Variants in KCNMA1 observed in about 807,000 individuals in gnomAD.
KCNMA1 encodes the protein Calcium-activated potassium channel subunit alpha-1.
KCNMA1 carries 29 observed loss-of-function variants against 140.0 expected under a neutral mutation model. The observed-to-expected ratio is 0.21, with a 90% CI of 0.15 to 0.28. The LOEUF (loss-of-function observed/expected upper bound fraction) is 0.28. Ranked by LOEUF, KCNMA1 falls within the 10% of genes least tolerant of loss-of-function variation. The probability of loss-of-function intolerance (pLI) is 1.00; values close to 1 mark genes in which losing one functional copy is unlikely to be tolerated. For synonymous variants in KCNMA1, 612 were observed against 611.9 expected (o/e 1.00, Z 0.00); for missense variants, 880 against 1,602.2 (o/e 0.55, Z 7.70).
chr10:76,891,044 C>T (rs2039819376), intron 26 of KCNMA1, among the ~76,000 whole-genome samples: 1 of 152,222 alleles, frequency 6.6e-6, no homozygotes, highest in South Asian at 2.1e-4. Flanking sequence ...CTGAGGCTGG[C>T]CACCTCCATG....
At chr10:77,508,121 A>G (rs763473441) in intron 1 of KCNMA1, among the ~76,000 whole-genome samples, 3 of 152,246 alleles carry the variant, frequency 2.0e-5, no homozygotes. Flanking sequence ...AGAGTGACAT[A>G]AAACATTCAA....
chr10:77,436,909 G>A (rs891995215), intron 1 of KCNMA1, among the ~76,000 whole-genome samples: 4 of 151,942 alleles, frequency 2.6e-5, no homozygotes, highest in Non-Finnish European at 5.9e-5. Flanking sequence ...GCTAGCAAGG[G>A]AGGGGATTCT....
At chr10:76,900,439 T>C (rs4980116) in intron 25 of KCNMA1, among the ~76,000 whole-genome samples, 17,256 of 152,116 alleles carry the variant, frequency 0.11, 3,165 homozygotes, top group African/African-American at 0.39. Context: ...TAGTAGTTAA[T>C]TCTTGGTTTT....
chr10:77,626,321 C>T (rs2092511276), intron 1 of KCNMA1, among the ~76,000 whole-genome samples: 2 of 152,028 alleles, frequency 1.3e-5, no homozygotes, highest in South Asian at 2.1e-4. Flanking sequence ...TCGGCTGTGG[C>T]TGCCACAAGC....
At chr10:77,238,655 G>T (rs982409865) in intron 3 of KCNMA1, among the ~76,000 whole-genome samples, 3 of 152,192 alleles carry the variant, frequency 2.0e-5, no homozygotes, top group African/African-American at 7.2e-5. Flanking sequence ...GACATGTTTT[G>T]TATGTCATGC....
chr10:77,367,745 T>C (rs1422788832), intron 2 of KCNMA1, among the ~76,000 whole-genome samples: 1 of 152,206 alleles, frequency 6.6e-6, no homozygotes, highest in Non-Finnish European at 1.5e-5. Flanking sequence ...CACTAATCTG[T>C]CCTCTGTCAC....
At chr10:77,416,873 G>A (rs954917060) in intron 1 of KCNMA1, among the ~76,000 whole-genome samples, 8 of 152,054 alleles carry the variant, frequency 5.3e-5, no homozygotes, top group African/African-American at 1.9e-4. Flanking sequence ...TTCACTCTTC[G>A]CTCATATCTT....
intron 1 of KCNMA1, among the ~76,000 whole-genome samples, chr10:77,520,157 GGCA>G (rs1567297860): frequency 0.051 from 107 of 2,078 alleles, no homozygotes; most frequent in South Asian, 0.11. Context: ...TGTGAGGTCT[GGCA>G]TATGCAGTGT....
At chr10:77,184,500 G>A (rs1406686001) in intron 4 of KCNMA1, among the ~76,000 whole-genome samples, 2 of 152,348 alleles carry the variant, frequency 1.3e-5, no homozygotes, top group East Asian at 1.9e-4. Context: ...TTACAGGCGT[G>A]AGCCACCACA....
intron 5 of KCNMA1, among the ~76,000 whole-genome samples, chr10:77,145,403 T>C (rs2098270535): frequency 6.6e-6 from 1 of 152,216 alleles, no homozygotes; most frequent in African/African-American, 2.4e-5. Context: ...TGGGCCCATT[T>C]CTCTGGACAT....
chr10:77,380,550 A>G (rs1013625936), intron 2 of KCNMA1, among the ~76,000 whole-genome samples: 6 of 152,138 alleles, frequency 3.9e-5, no homozygotes, highest in African/African-American at 1.4e-4. Flanking sequence ...TTAGGAAGGA[A>G]TTAAGACACA....
intron 19 of KCNMA1, chr10:76,977,635 C>G (rs2078062296): frequency 2.8e-6 from 2 of 702,788 alleles, no homozygotes; most frequent in African/African-American, 1.7e-5. Flanking sequence ...ATGTTCTTCC[C>G]AACCTGCCAA....
At chr10:77,400,023 A>G (rs1448621016) in intron 2 of KCNMA1, among the ~76,000 whole-genome samples, 1 of 152,246 alleles carries the variant, frequency 6.6e-6, no homozygotes, top group Non-Finnish European at 1.5e-5. Flanking sequence ...GCGTGCATCA[A>G]GGAAAACAAA....
chr10:77,014,916 G>A (rs1440810383), intron 17 of KCNMA1, among the ~76,000 whole-genome samples: 1 of 152,130 alleles, frequency 6.6e-6, no homozygotes, highest in South Asian at 2.1e-4. Flanking sequence ...CTGCACCTGA[G>A]CAACGGAGTT....
chr10:77,076,496 G>A (rs746998169), intron 13 of KCNMA1, among the ~76,000 whole-genome samples: 16 of 152,044 alleles, frequency 1.1e-4, no homozygotes, highest in South Asian at 2.1e-4. Context: ...GCCTACTCTC[G>A]GGAACCACAG....
chr10:76,971,988 T>G (rs186091822), intron 19 of KCNMA1, among the ~76,000 whole-genome samples: 1 of 151,976 alleles, frequency 6.6e-6, no homozygotes, highest in Middle Eastern at 3.4e-3. Flanking sequence ...TGTGTGTGTG[T>G]GTGTGTGTGT....
intron 22 of KCNMA1, 34 bp from the exon 23 acceptor site, chr10:76,944,999 T>TG: frequency 3.2e-6 from 5 of 1,566,496 alleles, no homozygotes; most frequent in African/African-American, 1.4e-5. Context: ...AAAACAGAGA[T>TG]GGGGGGAGAA....
chr10:77,324,965 CTCTCTCTG>C (rs1305525977), intron 2 of KCNMA1, among the ~76,000 whole-genome samples: 2,268 of 105,858 alleles, frequency 0.021, 41 homozygotes, highest in African/African-American at 0.1. Flanking sequence ...CTCTCTCTCT[CTCTCTCTG>C]TGTGTGTGTG....
At chr10:77,290,165 A>G (rs1029704129) in intron 2 of KCNMA1, among the ~76,000 whole-genome samples, 1 of 152,326 alleles carries the variant, frequency 6.6e-6, no homozygotes, top group Admixed American at 6.5e-5. Context: ...TTATTTTATG[A>G]TTACCTAAAA....
Sources: gnomAD v4.1 joint callset for allele counts (sites outside exome capture counted in the v4.1 genomes callset) on GRCh38, gnomAD v4.1.1 for gene constraint, MANE v1.5 for transcripts, NCBI Gene and HGNC (gene_info 2026-07-23, HGNC 2026-07-21) for gene names.